Variants in GTF3C5 observed in about 807,000 individuals in gnomAD.
The protein encoded by GTF3C5 is general transcription factor 3C polypeptide 5.
In GTF3C5, 47 loss-of-function variants were observed where a neutral mutation model predicts 61.0. That is an observed-to-expected ratio of 0.77 (90% CI 0.61 to 0.98). The LOEUF is 0.98. GTF3C5 is among the 50% of genes least tolerant of loss of function. The pLI, the probability that GTF3C5 is intolerant of heterozygous loss-of-function variation, is 0.00. For missense variants in GTF3C5, 659 were observed against 703.3 expected, an observed-to-expected ratio of 0.94 and a Z score of 0.71; for synonymous variants, 295 against 275.4, an observed-to-expected ratio of 1.07 and a Z score of -0.71.
intron 3 of GTF3C5, among the ~76,000 whole-genome samples, chr9:133,047,524 CTTT>C (rs544180537): frequency 1.4e-5 from 2 of 144,278 alleles, no homozygotes; most frequent in Non-Finnish European, 1.5e-5. Flanking sequence ...ATGATCCTTC[CTTT>C]TTTTTTTTTT....
At chr9:133,055,485 C>A in intron 8 of GTF3C5, 3 of 1,207,566 alleles carry the variant, frequency 2.5e-6, no homozygotes, top group Non-Finnish European at 3.2e-6. Context: ...GCGATCATGC[C>A]ACAGCCTGTG....
Position 133,055,104 on chromosome 9 carries a change from C to G in GTF3C5, c.1167+295C>G, listed in dbSNP as rs536012364. On this transcript the variant is annotated intron_variant, in intron 8 of 10. Coordinates refer to ENST00000372097, the MANE Select transcript of GTF3C5 (RefSeq NM_012087.4). ...CGAGCCCTTTGGGAGCCTGGGCCCC[C>G]ACTGAGCCACGTGACCACTCCGGGA... The G allele has an allele frequency of 2.1e-4, 320 of 1,550,256 alleles. 2 individuals are homozygous for G. The South Asian group carries it at 3.7e-3, about 18-fold the overall frequency.
chr9:133,056,656 G>C, intron 9 of GTF3C5, 110 bp from the exon 10 acceptor site: 2 of 1,033,064 alleles, frequency 1.9e-6, no homozygotes, highest in South Asian at 3.6e-5. Context: ...TCGCTCACGG[G>C]GCTGCCTTTG....
intron 1 of GTF3C5, among the ~76,000 whole-genome samples, chr9:133,034,137 C>T (rs1030431062): frequency 2.0e-5 from 3 of 152,156 alleles, no homozygotes; most frequent in African/African-American, 7.2e-5. Context: ...TAAGGGGTTA[C>T]ACCGCAGTGG....
At position 133,051,049 on chromosome 9, in the gene GTF3C5, C is replaced by T. The variant is rs942380574; in HGVS notation, c.768+71C>T. Reference sequence around the variant, plus strand: ...TTGGCTTCCCGTGTTTACCCAGCTGCTCCCTGTTCCTGGCTGTGGGGTTGG... The same window carrying T: ...TTGGCTTCCCGTGTTTACCCAGCTGTTCCCTGTTCCTGGCTGTGGGGTTGG... On this transcript the variant is annotated intron_variant, in intron 4 of 10. Coordinates refer to ENST00000372097, the MANE Select transcript of GTF3C5 (RefSeq NM_012087.4). 4.1e-6 allele frequency: 5 copies of T among 1,210,576 alleles called. No individual in the cohort carries two copies. The Admixed American group carries it at 8.3e-5, about 20-fold the overall frequency. The allele number at this position is 1,210,576 out of a possible 1,614,324, so 75.0% of individuals were successfully genotyped here.
At position 133,035,160 on chromosome 9, in the gene GTF3C5, A is replaced by G. The variant is rs1338335590; in HGVS notation, c.153+3996A>G. Among the ~76,000 whole-genome samples, 3 of 152,162 alleles carry G rather than the reference A, an allele frequency of 2.0e-5. No individual in the cohort carries two copies. The East Asian group carries it at 5.8e-4, about 29-fold the overall frequency. On this transcript the variant is annotated intron_variant, in intron 1 of 10. Transcript: ENST00000372097. ...CCCATTATCTGAATCAATATTTTGT[A>G]TTAATCTGTTAAACCTGGGTATAAT...
Position 133,053,935 on chromosome 9 carries a change from G to T in GTF3C5, c.981G>T (p.Met327Ile). The T allele has an allele frequency of 6.3e-7, 1 of 1,598,394 alleles. No homozygotes were observed. The highest frequency in any genetic ancestry group is 8.6e-7 in the Non-Finnish European group (1 of 1,167,062). The change falls in exon 6 of 11, where the codon ATG becomes ATT. Residue 327 changes from methionine to isoleucine, a missense_variant. Met to Ile is a conservative substitution (Grantham distance 10). Transcript: ENST00000372097. ...TCGATTTCCGAATCCGTTGTGGAAT[G>T]AAACACGGTAAAAATTCCTGAAAGC... is the stretch of plus-strand genomic sequence containing the variant. ...QVLDFRIRCG[M>I]KHGYAPSDLP...
intron 4 of GTF3C5, among the ~76,000 whole-genome samples, chr9:133,051,415 T>A (rs1564202429): frequency 6.6e-6 from 1 of 152,088 alleles, no homozygotes; most frequent in Non-Finnish European, 1.5e-5. Flanking sequence ...CCCACTGGCA[T>A]GAGCATCAGG....
At chr9:133,031,716 A>T (rs944805920) in intron 1 of GTF3C5, among the ~76,000 whole-genome samples, 2 of 152,168 alleles carry the variant, frequency 1.3e-5, no homozygotes, top group African/African-American at 4.8e-5. Flanking sequence ...AGGGGTTCCT[A>T]TCTCTTACAC....
chr9:133,041,970 CATG>C, intron 1 of GTF3C5, 114 bp from the exon 2 acceptor site: 1 of 681,070 alleles, frequency 1.5e-6, no homozygotes, highest in South Asian at 1.8e-5. Flanking sequence ...CAGAATGAAA[CATG>C]AGCCTCCTGG....
At chr9:133,056,170 C>G in intron 9 of GTF3C5, 76 bp downstream of exon 9, 2 of 1,216,980 alleles carry the variant, frequency 1.6e-6, no homozygotes, top group Non-Finnish European at 2.4e-6. Flanking sequence ...CTGAACTCTT[C>G]CACTTCACGT....
intron 3 of GTF3C5, among the ~76,000 whole-genome samples, chr9:133,045,525 C>T (rs1178818846): frequency 1.3e-5 from 2 of 152,226 alleles, no homozygotes; most frequent in African/African-American, 2.4e-5. Context: ...AGCCCCGGTG[C>T]CCAGAACAGA....
At chr9:133,041,452 G>A (rs781137072) in intron 1 of GTF3C5, among the ~76,000 whole-genome samples, 2 of 151,424 alleles carry the variant, frequency 1.3e-5, no homozygotes, top group Non-Finnish European at 3.0e-5. Flanking sequence ...AATGGCATAA[G>A]CTGTCTCTCT....
chr9:133,047,809 A>G (rs1031620248), intron 3 of GTF3C5, among the ~76,000 whole-genome samples: 8 of 152,214 alleles, frequency 5.3e-5, no homozygotes, highest in Non-Finnish European at 8.8e-5. Context: ...GGCGTAAGCC[A>G]CCGCACCCAG....
At chr9:133,055,735 C>G in intron 8 of GTF3C5, 1 of 1,297,810 alleles carries the variant, frequency 7.7e-7, no homozygotes, top group Non-Finnish European at 9.9e-7. Context: ...CAGCCCCATG[C>G]CATGGGCGCC....
chr9:133,054,618 G>T lies in GTF3C5; in HGVS notation c.1070-94G>T, dbSNP rs1485490634. 43 of 1,413,112 alleles carry T rather than the reference G, an allele frequency of 3.0e-5. No homozygotes were observed. In the East Asian group the frequency reaches 9.9e-4, roughly 33 times the overall value. 87.5% of individuals were successfully genotyped at this position (1,413,112 alleles called of 1,614,324 possible). On this transcript the variant is annotated intron_variant, in intron 7 of 10. Coordinates refer to ENST00000372097, the MANE Select transcript of GTF3C5 (RefSeq NM_012087.4). ...CTGCCGGTCATTCCTCCCCTAGGAG[G>T]GGGTGGGCTGGCAGGAGGGCAGGGC...
chr9:133,030,727 C>G (rs987136492), upstream of GTF3C5: 1 of 547,746 alleles, frequency 1.8e-6, no homozygotes, highest in Non-Finnish European at 3.3e-6. Context: ...TCCTCCGGGT[C>G]CCTCGCTGGC....
chr9:133,041,693 T>A (rs1850044999), intron 1 of GTF3C5, among the ~76,000 whole-genome samples: 1 of 152,150 alleles, frequency 6.6e-6, no homozygotes, highest in African/African-American at 2.4e-5. Context: ...TTTTATGTCT[T>A]TGTCTTGTGT....
In GTF3C5 at chr9:133,044,153, A is replaced by T. The variant is rs1208711130; in HGVS notation, c.572+227A>T. ...GAGTGAGACTTTGTCTCCCAAAAAA[A>T]AAAAAAAAAAAAAAAAGAAAATGGG... is the stretch of plus-strand genomic sequence containing the variant. On this transcript the variant is annotated intron_variant, in intron 3 of 10. Transcript: ENST00000372097. 6 of 497,598 alleles carry T rather than the reference A, an allele frequency of 1.2e-5. No individual in the cohort carries two copies. In the Admixed American group the frequency reaches 2.2e-4, roughly 18 times the overall value. The allele number at this position is 497,598 out of a possible 1,614,324, so 30.8% of individuals were successfully genotyped here. A position where few individuals can be genotyped will look rare whatever the true frequency, so the allele number is the denominator to read the frequency against.
Sources: allele counts gnomAD v4.1 joint callset (sites outside exome capture counted in the v4.1 genomes callset), GRCh38; gene constraint gnomAD v4.1.1; transcripts MANE v1.5; gene names NCBI Gene and HGNC (gene_info 2026-07-23, HGNC 2026-07-21).